NXPE2: variants seen among roughly 807,000 people sequenced by gnomAD.
NXPE2 encodes the protein neurexophilin and PC-esterase domain family member 2.
NXPE2 carries 34 observed loss-of-function variants against 34.4 expected under a neutral mutation model. The ratio of observed to expected loss-of-function variants is 0.99; its 90% CI spans 0.75 to 1.31. The LOEUF (loss-of-function observed/expected upper bound fraction) is 1.31, where lower values mean the gene tolerates loss of function less well. Ranked by LOEUF, NXPE2 falls within the 40% of genes most tolerant of loss-of-function variation. NXPE2 has a pLI of 0.00. For synonymous variants in NXPE2, 235 were observed against 231.3 expected (o/e 1.02, Z -0.15); for missense variants, 649 against 672.5 (o/e 0.97, Z 0.39).
At chr11:114,608,814 G>A in the NXPE2 span, among the ~76,000 whole-genome samples, 1 of 151,758 alleles carries the variant, frequency 6.6e-6, no homozygotes, top group South Asian at 2.1e-4. Flanking sequence ...TTGCCTCGTG[G>A]GTAAGCACTG....
chr11:114,734,611 A>G, the NXPE2 span, among the ~76,000 whole-genome samples: 1 of 152,216 alleles, frequency 6.6e-6, no homozygotes, highest in East Asian at 1.9e-4. Flanking sequence ...AACAGAAAGT[A>G]ATGAAAATTA....
chr11:114,771,641 G>A, the NXPE2 span, among the ~76,000 whole-genome samples: 17 of 152,192 alleles, frequency 1.1e-4, no homozygotes, highest in East Asian at 1.9e-4. Flanking sequence ...CATCCTTTGC[G>A]TGTACCTCAC....
At chr11:114,710,210 C>G (rs1324241604), downstream of NXPE2, among the ~76,000 whole-genome samples, 1 of 151,906 alleles carries the variant, frequency 6.6e-6, no homozygotes, top group East Asian at 1.9e-4. Flanking sequence ...AAGAACAAAC[C>G]AAGTCCAAAG....
chr11:114,651,538 G>C, the NXPE2 span, among the ~76,000 whole-genome samples: 1 of 152,222 alleles, frequency 6.6e-6, no homozygotes, highest in Non-Finnish European at 1.5e-5. Flanking sequence ...AATCCGAAAA[G>C]ATTGCCACTG....
chr11:114,528,440 C>G, the NXPE2 span, among the ~76,000 whole-genome samples: 1 of 152,158 alleles, frequency 6.6e-6, no homozygotes, highest in Non-Finnish European at 1.5e-5. Context: ...CAGAGGGCCT[C>G]TGCTTCATTT....
At chr11:114,588,285 C>T in the NXPE2 span, among the ~76,000 whole-genome samples, 1 of 152,154 alleles carries the variant, frequency 6.6e-6, no homozygotes, top group Admixed American at 6.5e-5. Flanking sequence ...AGGAAATGCT[C>T]AATGGAGGTG....
the NXPE2 span, among the ~76,000 whole-genome samples, chr11:114,664,900 T>C: frequency 6.6e-6 from 1 of 152,186 alleles, no homozygotes; most frequent in Non-Finnish European, 1.5e-5. Flanking sequence ...TGCCCAGCTG[T>C]TGGCTAATGT....
chr11:114,725,972 A>ATATATATATATATAT, the NXPE2 span, among the ~76,000 whole-genome samples: 67 of 14,232 alleles, frequency 4.7e-3, 1 homozygote, highest in Middle Eastern at 0.11. Context: ...TATAATAAAA[A>ATATATATATATATAT]AAAAATATAT....
the NXPE2 span, among the ~76,000 whole-genome samples, chr11:114,555,231 A>ATT: frequency 6.7e-6 from 1 of 149,884 alleles, no homozygotes; most frequent in African/African-American, 2.4e-5. Flanking sequence ...AGAATACATG[A>ATT]TTTTTTTTTT....
At chr11:114,653,951 C>G in the NXPE2 span, among the ~76,000 whole-genome samples, 237 of 152,172 alleles carry the variant, frequency 1.6e-3, 3 homozygotes, top group Middle Eastern at 0.017. Context: ...AACATGAGTT[C>G]CAGTTAGCCA....
At chr11:114,536,711 A>G in the NXPE2 span, among the ~76,000 whole-genome samples, 3 of 152,118 alleles carry the variant, frequency 2.0e-5, no homozygotes, top group African/African-American at 4.8e-5. Flanking sequence ...TGACACATAC[A>G]CTCTCCCAAG....
the NXPE2 span, among the ~76,000 whole-genome samples, chr11:114,493,727 CATGAT>C: frequency 6.0e-3 from 913 of 152,190 alleles, 9 homozygotes; most frequent in African/African-American, 0.02. Context: ...TCTTTCTACT[CATGAT>C]ATAGTTTATA....
the NXPE2 span, among the ~76,000 whole-genome samples, chr11:114,628,724 A>G: frequency 1.3e-5 from 2 of 151,560 alleles, no homozygotes; most frequent in African/African-American, 4.9e-5. Flanking sequence ...AAAATTAACG[A>G]ATCCAGGAGC....
the NXPE2 span, chr11:114,594,874 A>C: frequency 1.6e-6 from 1 of 625,084 alleles, no homozygotes; most frequent in Non-Finnish European, 2.8e-6. Flanking sequence ...ATTACTTTTT[A>C]GCCTCAGATA....
the NXPE2 span, among the ~76,000 whole-genome samples, chr11:114,639,654 T>C: frequency 7.0e-6 from 1 of 143,276 alleles, no homozygotes; most frequent in African/African-American, 2.6e-5. Context: ...TATTTATATA[T>C]AATTTACTTG....
the NXPE2 span, among the ~76,000 whole-genome samples, chr11:114,729,825 G>A: frequency 1.3e-5 from 2 of 151,998 alleles, no homozygotes; most frequent in Admixed American, 6.6e-5. Flanking sequence ...AGATTATAGT[G>A]CAAAATATTT....
At chr11:114,560,278 T>TC in the NXPE2 span, among the ~76,000 whole-genome samples, 2 of 150,830 alleles carry the variant, frequency 1.3e-5, no homozygotes, top group African/African-American at 2.4e-5. Context: ...TTTTTCTTTT[T>TC]TTTTTTTTTT....
chr11:114,473,537 T>G, the NXPE2 span, among the ~76,000 whole-genome samples: 2 of 152,210 alleles, frequency 1.3e-5, no homozygotes, highest in Non-Finnish European at 2.9e-5. Flanking sequence ...ATCTCAATTT[T>G]CAAGAATAAT....
chr11:114,551,099 C>T, the NXPE2 span: 1 of 1,453,976 alleles, frequency 6.9e-7, no homozygotes, highest in Non-Finnish European at 9.3e-7. Context: ...TGATTTGCTC[C>T]TACCTTTGTG....
Sources: allele counts gnomAD v4.1 joint callset (sites outside exome capture counted in the v4.1 genomes callset), GRCh38; gene constraint gnomAD v4.1.1; transcripts MANE v1.5; gene names NCBI Gene and HGNC (gene_info 2026-07-23, HGNC 2026-07-21).